Variants in PRDM16 observed in about 807,000 individuals in gnomAD.
PRDM16 encodes PR/SET domain 16, also known as histone-lysine N-methyltransferase PRDM16.
PRDM16 carries 23 observed loss-of-function variants against 110.6 expected under a neutral mutation model. That is an observed-to-expected ratio of 0.21 (90% CI 0.15 to 0.29). The LOEUF (loss-of-function observed/expected upper bound fraction) is 0.29, where lower values mean the gene tolerates loss of function less well. PRDM16 is among the 10% of genes least tolerant of loss of function. The probability of loss-of-function intolerance (pLI) is 1.00; values close to 1 mark genes in which losing one functional copy is unlikely to be tolerated. For synonymous variants in PRDM16, 799 were observed against 781.8 expected (o/e 1.02, Z -0.37); for missense variants, 1,615 against 1,794.3 (o/e 0.90, Z 1.81).
rs528776209 is a variant in PRDM16, at chr1:3,381,320, G to T, written c.439-3832G>T. Among the ~76,000 whole-genome samples the T allele has an allele frequency of 2.0e-4, 31 of 152,114 alleles. No individual in the cohort carries two copies. In the East Asian group the frequency reaches 5.0e-3, roughly 25 times the overall value. On this transcript the variant is annotated intron_variant, in intron 3 of 16. Transcript: ENST00000270722. ...GAAGCACTTAAAATAGTGGGACACG[G>T]ATTGTTTTTCCAGGGATTTATTGGG... is the stretch of plus-strand genomic sequence containing the variant.
In PRDM16 at chr1:3,432,217, C is replaced by T. The variant is rs1196052414; in HGVS notation, c.3696+77C>T. ...AGGACAGCCAGCACTCCTCTCCCGC[C>T]GTGGCCCTCCTAGGCCTGAGGAAGC... On this transcript the variant is annotated intron_variant, in intron 16 of 16. Transcript: ENST00000270722. The T allele has an allele frequency of 2.0e-5, 28 of 1,370,856 alleles. No individual in the cohort carries two copies. The African/African-American group carries it at 3.1e-4, about 15-fold the overall frequency. The allele number at this position is 1,370,856 out of a possible 1,614,324, so 84.9% of individuals were successfully genotyped here.
rs142947844 is a variant in PRDM16 at position 3,401,478 on chromosome 1, T to G, written c.677-1313T>G. 3.6e-3 allele frequency among the ~76,000 whole-genome samples: 542 copies of G among 152,222 alleles called. 1 individual carries two copies. Among genetic ancestry groups the G allele is most frequent in the African/African-American group, 0.012 (496 of 41,528 alleles). ...CCCAAATGCACACACACAAATTGCA[T>G]GCATACACACATCACATGCACACAA... On this transcript the variant is annotated intron_variant, in intron 5 of 16. Coordinates refer to ENST00000270722, the MANE Select transcript of PRDM16 (RefSeq NM_022114.4).
At chr1:3,233,454 A>G (rs1639465018) in intron 2 of PRDM16, among the ~76,000 whole-genome samples, 1 of 152,186 alleles carries the variant, frequency 6.6e-6, no homozygotes, top group African/African-American at 2.4e-5. Context: ...TGCCACTCAC[A>G]GTGAGCGGAA....
At chr1:3,388,817 C>T (rs1198296383) in intron 4 of PRDM16, among the ~76,000 whole-genome samples, 3 of 152,230 alleles carry the variant, frequency 2.0e-5, no homozygotes, top group Non-Finnish European at 4.4e-5. Flanking sequence ...ACACCTCCTT[C>T]AGCCCATCCC....
intron 2 of PRDM16, among the ~76,000 whole-genome samples, chr1:3,219,050 G>A (rs1018258416): frequency 3.3e-5 from 5 of 152,206 alleles, no homozygotes; most frequent in African/African-American, 9.6e-5. Context: ...GGGGAGAGGC[G>A]TGTTCTGCAC....
Position 3,402,193 on chromosome 1 carries a change from TG to T in PRDM16, c.677-591del, listed in dbSNP as rs546916265. Among the ~76,000 whole-genome samples, 14 of 151,652 alleles carry T rather than the reference TG, an allele frequency of 9.2e-5. No individual in the cohort carries two copies. In the South Asian group the frequency reaches 1.3e-3, roughly 14 times the overall value. ...GAGCCGGGGGGATGAGGCATCTTGT[TG>T]GGGGGGTCTCCCGTCTTAGGTGGAA... is the stretch of plus-strand genomic sequence containing the variant. On this transcript the variant is annotated intron_variant, in intron 5 of 16. Coordinates refer to ENST00000270722, the MANE Select transcript of PRDM16 (RefSeq NM_022114.4).
intron 3 of PRDM16, among the ~76,000 whole-genome samples, chr1:3,250,207 C>T (rs1569925887): frequency 1.3e-5 from 2 of 151,736 alleles, no homozygotes; most frequent in South Asian, 4.2e-4. Context: ...GGCTCCAGTC[C>T]GCAGGGCAGA....
chr1:3,410,973 G>A (rs1433319654), intron 8 of PRDM16, among the ~76,000 whole-genome samples: 3 of 152,164 alleles, frequency 2.0e-5, no homozygotes, highest in South Asian at 2.1e-4. Flanking sequence ...AGAAGGTGGC[G>A]GCACAGCAGG....
chr1:3,108,966 C>T (rs577894669), intron 1 of PRDM16, among the ~76,000 whole-genome samples: 101 of 151,588 alleles, frequency 6.7e-4, no homozygotes, highest in Admixed American at 1.9e-3. Flanking sequence ...CTTATAATCC[C>T]AGCTACTCAG....
At chr1:3,142,573 C>T (rs917505961) in intron 1 of PRDM16, among the ~76,000 whole-genome samples, 3 of 152,166 alleles carry the variant, frequency 2.0e-5, no homozygotes, top group Admixed American at 2.0e-4. Flanking sequence ...GGCACCCAGA[C>T]GTTGAGCAGA....
At chr1:3,331,734 G>C (rs955391488) in intron 3 of PRDM16, among the ~76,000 whole-genome samples, 1 of 152,214 alleles carries the variant, frequency 6.6e-6, no homozygotes, top group African/African-American at 2.4e-5. Flanking sequence ...CGGACCCAGG[G>C]CTCCTGGGCT....
chr1:3,250,993 C>T (rs2100217894), intron 3 of PRDM16, among the ~76,000 whole-genome samples: 1 of 152,330 alleles, frequency 6.6e-6, no homozygotes, highest in East Asian at 1.9e-4. Flanking sequence ...GGGGACCCTG[C>T]TGTCATCAGA....
At chr1:3,161,276 G>A (rs977778794) in intron 1 of PRDM16, among the ~76,000 whole-genome samples, 18 of 152,222 alleles carry the variant, frequency 1.2e-4, no homozygotes, top group Non-Finnish European at 2.4e-4. Context: ...CAACACGCTC[G>A]AAAGTGCTCA....
chr1:3,280,023 A>T (rs1640678949), intron 3 of PRDM16, among the ~76,000 whole-genome samples: 1 of 152,058 alleles, frequency 6.6e-6, no homozygotes, highest in Admixed American at 6.5e-5. Flanking sequence ...CGATAATGCC[A>T]TACTTTTTTT....
At position 3,265,850 on chromosome 1, in the gene PRDM16, G is replaced by A. The variant is rs1421824938; in HGVS notation, c.438+21713G>A. 2.0e-5 allele frequency among the ~76,000 whole-genome samples: 3 copies of A among 152,078 alleles called. No individual in the cohort carries two copies. The highest frequency in any genetic ancestry group is 1.3e-4 in the Admixed American group (2 of 15,278). Reference sequence around the variant, plus strand: ...TCAGTGGGTCGTGCCCAGGTCCTTCGCTCTCTATGATCCCTTTACGGTCGT... The same window carrying A: ...TCAGTGGGTCGTGCCCAGGTCCTTCACTCTCTATGATCCCTTTACGGTCGT... On this transcript the variant is annotated intron_variant, in intron 3 of 16. Transcript: ENST00000270722. This position sits in a 1 kb window ranked among gnomAD's most constrained non-coding sequence, Gnocchi z 4.5.
At chr1:3,316,629 G>A (rs1641608295) in intron 3 of PRDM16, among the ~76,000 whole-genome samples, 1 of 149,136 alleles carries the variant, frequency 6.7e-6, no homozygotes, top group Non-Finnish European at 1.5e-5. Flanking sequence ...CAGTGACACA[G>A]GGTAGGCAGA....
chr1:3,221,072 T>C (rs1170468358), intron 2 of PRDM16, among the ~76,000 whole-genome samples: 1 of 152,174 alleles, frequency 6.6e-6, no homozygotes, highest in Non-Finnish European at 1.5e-5. Flanking sequence ...GGGGGACGGG[T>C]TGCCAGTGGC....
intron 1 of PRDM16, among the ~76,000 whole-genome samples, chr1:3,174,895 A>G (rs1265978005): frequency 6.6e-6 from 1 of 152,150 alleles, no homozygotes; most frequent in Non-Finnish European, 1.5e-5. Flanking sequence ...TCATATTAAT[A>G]TTTAGCATGT....
chr1:3,258,686 T>C (rs558507908), intron 3 of PRDM16, among the ~76,000 whole-genome samples: 1 of 152,142 alleles, frequency 6.6e-6, no homozygotes, highest in East Asian at 1.9e-4. Flanking sequence ...ATAAAAAGAG[T>C]CTGGTCTGGT....
Sources: allele counts gnomAD v4.1 joint callset (sites outside exome capture counted in the v4.1 genomes callset), GRCh38; gene constraint gnomAD v4.1.1; non-coding constraint Gnocchi (gnomAD v3.1); transcripts MANE v1.5; gene names NCBI Gene and HGNC (gene_info 2026-07-23, HGNC 2026-07-21).